Variants in MB21D2 observed in about 807,000 individuals in gnomAD.
The protein encoded by MB21D2 is Mab-21 domain containing 2.
Under a neutral mutation model 33.3 loss-of-function variants are expected in MB21D2, and 9 were observed. The ratio of observed to expected loss-of-function variants is 0.27; its 90% CI spans 0.16 to 0.47. The LOEUF (loss-of-function observed/expected upper bound fraction) is 0.47, where lower values mean the gene tolerates loss of function less well. Ranked by LOEUF, MB21D2 falls within the 20% of genes least tolerant of loss-of-function variation. The pLI is 0.99. For missense variants in MB21D2, 540 were observed against 624.6 expected (o/e 0.86, Z 1.44); for synonymous variants, 241 against 236.3 (o/e 1.02, Z -0.18).
At chr3:192,856,131 T>C (rs1331768930) in intron 1 of MB21D2, among the ~76,000 whole-genome samples, 1 of 152,124 alleles carries the variant, frequency 6.6e-6, no homozygotes, top group African/African-American at 2.4e-5. Context: ...GACCTACATG[T>C]TGTCATGTTT....
chr3:192,800,485 T>A (rs1261686643), intron 1 of MB21D2, among the ~76,000 whole-genome samples: 2 of 152,232 alleles, frequency 1.3e-5, no homozygotes, highest in Non-Finnish European at 2.9e-5. Flanking sequence ...CAAACTGTAC[T>A]AGCAGTCAGT....
chr3:192,845,459 C>A (rs1046975092), intron 1 of MB21D2, among the ~76,000 whole-genome samples: 3 of 152,268 alleles, frequency 2.0e-5, no homozygotes, highest in Non-Finnish European at 4.4e-5. Context: ...CACTCCCTGA[C>A]TTGCTGAGCA....
At chr3:192,916,812 C>A (rs1428169006) in intron 1 of MB21D2, among the ~76,000 whole-genome samples, 1 of 152,126 alleles carries the variant, frequency 6.6e-6, no homozygotes, top group African/African-American at 2.4e-5. Flanking sequence ...CATTTTCTAG[C>A]CCCCGACGTC....
intron 1 of MB21D2, among the ~76,000 whole-genome samples, chr3:192,900,144 C>T (rs1319082113): frequency 6.6e-6 from 1 of 151,754 alleles, no homozygotes; most frequent in Non-Finnish European, 1.5e-5. Context: ...ATTAGCCAGG[C>T]GTCGTGGCGG....
chr3:192,814,664 C>A (rs1225335996), intron 1 of MB21D2, among the ~76,000 whole-genome samples: 1 of 151,924 alleles, frequency 6.6e-6, no homozygotes, highest in Non-Finnish European at 1.5e-5. Flanking sequence ...AGATCGAGAC[C>A]ATCCTGGCTA....
At chr3:192,855,385 C>A (rs897034044) in intron 1 of MB21D2, among the ~76,000 whole-genome samples, 2 of 152,216 alleles carry the variant, frequency 1.3e-5, no homozygotes, top group African/African-American at 4.8e-5. Flanking sequence ...GTGTGAGCCA[C>A]TGTGCCCAGC....
At chr3:192,882,897 G>A (rs1713637485) in intron 1 of MB21D2, among the ~76,000 whole-genome samples, 1 of 152,026 alleles carries the variant, frequency 6.6e-6, no homozygotes, top group Admixed American at 6.5e-5. Context: ...ACCACACCCA[G>A]CTAATTTGCA....
chr3:192,878,520 A>G (rs868197121), intron 1 of MB21D2, among the ~76,000 whole-genome samples: 31 of 152,366 alleles, frequency 2.0e-4, no homozygotes, highest in African/African-American at 7.2e-4. Flanking sequence ...TGAAAAATTA[A>G]CTTTTTTATA....
intron 1 of MB21D2, among the ~76,000 whole-genome samples, chr3:192,905,576 C>T (rs1373617399): frequency 1.4e-5 from 2 of 138,262 alleles, no homozygotes; most frequent in African/African-American, 5.5e-5. Context: ...GGCAGAGGTT[C>T]AAGTGAGCCG....
At chr3:192,814,147 AAAT>A (rs746645406) in intron 1 of MB21D2, among the ~76,000 whole-genome samples, 3 of 152,226 alleles carry the variant, frequency 2.0e-5, no homozygotes, top group Non-Finnish European at 4.4e-5. Flanking sequence ...CTAGTTTGAA[AAAT>A]AATGATATGT....
chr3:192,838,108 T>C (rs559694187), intron 1 of MB21D2, among the ~76,000 whole-genome samples: 2 of 152,330 alleles, frequency 1.3e-5, no homozygotes, highest in South Asian at 2.1e-4. Flanking sequence ...GAAGGCTTGA[T>C]TGGGGCTGAA....
At chr3:192,860,065 G>A (rs1377466071) in intron 1 of MB21D2, among the ~76,000 whole-genome samples, 1 of 152,212 alleles carries the variant, frequency 6.6e-6, no homozygotes, top group African/African-American at 2.4e-5. Flanking sequence ...CAAAATTACA[G>A]GCCTTGTTAG....
intron 1 of MB21D2, among the ~76,000 whole-genome samples, chr3:192,891,041 C>T (rs551706573): frequency 4.6e-5 from 7 of 152,258 alleles, no homozygotes; most frequent in South Asian, 4.1e-4. Context: ...AGGAATACCA[C>T]GCAGGGGGAG....
chr3:192,820,744 G>A (rs1005275560), intron 1 of MB21D2, among the ~76,000 whole-genome samples: 3 of 152,226 alleles, frequency 2.0e-5, no homozygotes, highest in Admixed American at 6.5e-5. Flanking sequence ...CCTAACTCGC[G>A]CTCCACCCTG....
chr3:192,907,839 G>C (rs905206352), intron 1 of MB21D2, among the ~76,000 whole-genome samples: 1 of 152,008 alleles, frequency 6.6e-6, no homozygotes, highest in Non-Finnish European at 1.5e-5. Context: ...GAAAGATAAC[G>C]TGTGCCCACT....
At chr3:192,895,743 G>GT (rs1713956982) in intron 1 of MB21D2, among the ~76,000 whole-genome samples, 2 of 151,600 alleles carry the variant, frequency 1.3e-5, no homozygotes, top group South Asian at 2.1e-4. Flanking sequence ...TTTTTTGTTT[G>GT]TTTTTTTGAG....
intron 1 of MB21D2, among the ~76,000 whole-genome samples, chr3:192,829,578 T>C (rs570237988): frequency 1.3e-5 from 2 of 152,368 alleles, no homozygotes; most frequent in Non-Finnish European, 1.5e-5. Flanking sequence ...CATGTGTGCA[T>C]TCTTCCAGAG....
rs866305760 is a variant in MB21D2, at chr3:192,835,156, A to T, written c.212-35506T>A. Among the ~76,000 whole-genome samples the T allele has an allele frequency of 1.2e-3, 170 of 137,212 alleles. 1 individual carries two copies. The highest frequency in any genetic ancestry group is 4.2e-3 in the African/African-American group (158 of 37,402). The allele number at this position is 137,212 out of a possible 152,430, so 90.0% of individuals were successfully genotyped here. On this transcript the variant is annotated intron_variant, in intron 1 of 1. Coordinates refer to ENST00000392452, the MANE Select transcript of MB21D2 (RefSeq NM_178496.4). ...AGGGATCTTTAGAAAGTGTCTTTAAAAAAAAAAAAAAAAAAAAGCTGGGTG... is the reference window on the plus strand; with the variant it reads ...AGGGATCTTTAGAAAGTGTCTTTAATAAAAAAAAAAAAAAAAAGCTGGGTG...
At chr3:192,902,805 T>C (rs1009606460) in intron 1 of MB21D2, among the ~76,000 whole-genome samples, 3 of 151,982 alleles carry the variant, frequency 2.0e-5, no homozygotes, top group Admixed American at 2.0e-4. Flanking sequence ...CGGCAACTCC[T>C]CCCAGCCACA....
Sources: gnomAD v4.1 joint callset for allele counts (sites outside exome capture counted in the v4.1 genomes callset) on GRCh38, gnomAD v4.1.1 for gene constraint, MANE v1.5 for transcripts, NCBI Gene and HGNC (gene_info 2026-07-23, HGNC 2026-07-21) for gene names.